Variants in FRY observed in about 807,000 individuals in gnomAD.
FRY encodes the protein protein furry homolog.
FRY carries 128 observed loss-of-function variants against 348.4 expected under a neutral mutation model. The ratio of observed to expected loss-of-function variants is 0.37; its 90% CI spans 0.32 to 0.43. The LOEUF is 0.43. FRY is among the 20% of genes least tolerant of loss of function. FRY has a pLI of 1.00. For missense variants in FRY, 2,736 were observed against 3,695.2 expected, an observed-to-expected ratio of 0.74 and a Z score of 6.73; for synonymous variants, 1,370 against 1,374.7, an observed-to-expected ratio of 1.00 and a Z score of 0.08.
At chr13:32,263,690 A>G (rs949755648) in intron 53 of FRY, among the ~76,000 whole-genome samples, 2 of 152,242 alleles carry the variant, frequency 1.3e-5, no homozygotes, top group Admixed American at 1.3e-4. Context: ...TTTGAATGCT[A>G]AAAACATATA....
intron 36 of FRY, among the ~76,000 whole-genome samples, chr13:32,219,828 T>C (rs1217224995): frequency 6.6e-6 from 1 of 152,184 alleles, no homozygotes; most frequent in East Asian, 1.9e-4. Context: ...CAGGATAGGA[T>C]CTGTTCCTAT....
At chr13:32,059,415 A>G (rs1275284454) in intron 1 of FRY, among the ~76,000 whole-genome samples, 1 of 145,024 alleles carries the variant, frequency 6.9e-6, no homozygotes, top group Non-Finnish European at 1.5e-5. Flanking sequence ...TTCTACAATT[A>G]CATTCACAGA....
Position 32,134,911 on chromosome 13 carries a change from C to T in FRY, c.893C>T (p.Ala298Val). Residue 298 changes from alanine (A) to valine (V), a missense_variant, in exon 9 of 61, where the codon GCA becomes GTA. By Grantham distance (64) the Ala-to-Val change is moderately conservative. Coordinates refer to ENST00000542859, the MANE Select transcript of FRY (RefSeq NM_023037.3). ...EASLQFMQECAHYFLEVKDKD... is the reference protein window; with the variant it reads ...EASLQFMQECVHYFLEVKDKD... ...TCTTTTTCTGCTTCCCAGGAATGTG[C>T]ACATTACTTCCTCGAGGTCAAAGAC... The T allele has an allele frequency of 6.2e-7, 1 of 1,601,772 alleles. No homozygotes were observed. Among genetic ancestry groups the T allele is most frequent in the Non-Finnish European group, 8.6e-7 (1 of 1,168,762 alleles).
intron 2 of FRY, among the ~76,000 whole-genome samples, chr13:32,094,565 T>C (rs774029508): frequency 4.3e-4 from 66 of 152,004 alleles, no homozygotes; most frequent in Non-Finnish European, 1.5e-4. Context: ...TGTCTATGAG[T>C]TCAATTGTTT....
intron 34 of FRY, among the ~76,000 whole-genome samples, chr13:32,211,346 C>G (rs1014446552): frequency 6.6e-6 from 1 of 152,228 alleles, no homozygotes; most frequent in African/African-American, 2.4e-5. Context: ...GTACTCCCAG[C>G]TCCTCAGGAG....
chr13:32,126,751 A>G (rs1237178205), intron 7 of FRY, among the ~76,000 whole-genome samples: 1 of 152,210 alleles, frequency 6.6e-6, no homozygotes, highest in African/African-American at 2.4e-5. Flanking sequence ...TCATAAGTAC[A>G]CCAGGACCAT....
intron 1 of FRY, among the ~76,000 whole-genome samples, chr13:32,067,263 A>G (rs974683515): frequency 1.3e-5 from 2 of 152,164 alleles, no homozygotes; most frequent in Non-Finnish European, 2.9e-5. Flanking sequence ...AATGCCACCT[A>G]TTCCCCAGTG....
intron 17 of FRY, among the ~76,000 whole-genome samples, chr13:32,168,530 T>A (rs780472855): frequency 6.6e-6 from 1 of 152,252 alleles, no homozygotes; most frequent in Non-Finnish European, 1.5e-5. Context: ...AAAAGATAGA[T>A]ATGCTGCTGA....
chr13:32,278,706 G>A (rs774087455), intron 58 of FRY, 158 bp downstream of exon 58: 1 of 742,782 alleles, frequency 1.3e-6, no homozygotes, highest in Admixed American at 1.7e-5. Flanking sequence ...ATGCCTTCCA[G>A]CATGACTGTG....
chr13:32,191,477 A>G (rs987385072), intron 28 of FRY, among the ~76,000 whole-genome samples: 1 of 152,214 alleles, frequency 6.6e-6, no homozygotes, highest in Non-Finnish European at 1.5e-5. Flanking sequence ...CAAGAAACTT[A>G]AGCAGTTCAC....
Position 32,247,435 on chromosome 13 carries a change from G to C in FRY, c.6941G>C (p.Arg2314Pro). The C allele has an allele frequency of 1.2e-6, 2 of 1,613,350 alleles. No homozygotes were observed. The highest frequency in any genetic ancestry group is 1.3e-5 in the African/African-American group (1 of 74,996). The stretch of plus-strand genomic sequence containing the variant: ...GACCTCTCAAAAATAGAAATACATC[G>C]AGTGTGGACTAGTGCTTCCAAGGAA... ...HSDLSKIEIH[R>P]VWTSASKELP... Residue 2314 changes from arginine (R) to proline (P), a missense_variant, in exon 48 of 61, where the codon CGA becomes CCA. Physicochemically the swap from Arg to Pro is moderately radical, Grantham distance 103 (BLOSUM62 -2). Transcript: ENST00000542859.
intron 34 of FRY, among the ~76,000 whole-genome samples, chr13:32,211,286 C>A (rs1170295680): frequency 6.6e-6 from 1 of 152,138 alleles, no homozygotes; most frequent in African/African-American, 2.4e-5. Context: ...GACAAAACCC[C>A]GTCTCTACTA....
chr13:32,233,073 T>A (rs924896738), intron 41 of FRY, among the ~76,000 whole-genome samples: 5 of 152,184 alleles, frequency 3.3e-5, no homozygotes, highest in Admixed American at 6.5e-5. Context: ...AAAAGCTTTT[T>A]TGAAGCATCA....
rs372392731 is a variant in FRY, at chr13:32,254,451, CTATTCTTTT to C, written c.7416+60_7416+68del. 8.2e-4 allele frequency: 1,187 copies of C among 1,439,646 alleles called. 3 individuals carry two copies. The African/African-American group carries it at 0.014, about 18-fold the overall frequency. 89.2% of individuals were successfully genotyped at this position (1,439,646 alleles called of 1,614,324 possible). A position where few individuals can be genotyped will look rare whatever the true frequency, so the allele number is the denominator to read the frequency against. On this transcript the variant is annotated intron_variant, in intron 51 of 60. Coordinates refer to ENST00000542859, the MANE Select transcript of FRY (RefSeq NM_023037.3). ...GCACCCTTTTCCTTGACTAATGAAA[CTATTCTTTT>C]TACCTGCTAAATAATGAGTTTTTGT... is the stretch of plus-strand genomic sequence containing the variant.
chr13:32,294,676 G>T, intron 60 of FRY, 106 bp downstream of exon 60: 1 of 847,908 alleles, frequency 1.2e-6, no homozygotes, highest in Non-Finnish European at 2.0e-6. Context: ...ATATTTTACA[G>T]ATCTCTTCTC....
intron 2 of FRY, among the ~76,000 whole-genome samples, chr13:32,100,161 G>T (rs1005113925): frequency 6.7e-6 from 1 of 148,564 alleles, no homozygotes; most frequent in African/African-American, 2.4e-5. Context: ...CTGGAGTGCC[G>T]TGGAGCAATC....
chr13:32,097,468 C>T (rs945574093), intron 2 of FRY, among the ~76,000 whole-genome samples: 4 of 146,278 alleles, frequency 2.7e-5, no homozygotes, highest in Non-Finnish European at 4.5e-5. Flanking sequence ...TCAAGCGATT[C>T]TCCCACCTCA....
At chr13:32,275,381 C>CT (rs1422724238) in intron 56 of FRY, among the ~76,000 whole-genome samples, 4 of 152,236 alleles carry the variant, frequency 2.6e-5, no homozygotes, top group African/African-American at 9.6e-5. Flanking sequence ...GAGCGAGACT[C>CT]TGTCTCAAAA....
intron 2 of FRY, among the ~76,000 whole-genome samples, chr13:32,098,584 G>C (rs1035613674): frequency 6.6e-6 from 1 of 152,064 alleles, no homozygotes; most frequent in African/African-American, 2.4e-5. Flanking sequence ...GGATGGCTCA[G>C]AGAAGGGCTT....
Sources: allele counts gnomAD v4.1 joint callset (sites outside exome capture counted in the v4.1 genomes callset), GRCh38; gene constraint gnomAD v4.1.1; transcripts MANE v1.5; gene names NCBI Gene and HGNC (gene_info 2026-07-23, HGNC 2026-07-21).